Variants in MCTP2 observed in about 807,000 individuals in gnomAD.
MCTP2 encodes the protein multiple C2 and transmembrane domain-containing protein 2.
A neutral mutation model predicts 111.6 loss-of-function variants in MCTP2; 132 were observed. The ratio of observed to expected loss-of-function variants is 1.18; its 90% CI spans 1.03 to 1.37. MCTP2 has a LOEUF of 1.37. Among genes scored for constraint, MCTP2 ranks in the 40% most tolerant of loss-of-function variants. The pLI is 0.00. For synonymous variants in MCTP2, 395 were observed against 387.7 expected, an observed-to-expected ratio of 1.02 and a Z score of -0.22; for missense variants, 1,183 against 1,067.9, an observed-to-expected ratio of 1.11 and a Z score of -1.50.
At chr15:94,308,336 A>G (rs1008872389) in intron 2 of MCTP2, among the ~76,000 whole-genome samples, 4 of 152,164 alleles carry the variant, frequency 2.6e-5, no homozygotes, top group Non-Finnish European at 5.9e-5. Context: ...CTTCCTGGTC[A>G]GGCGAGGTGT....
chr15:94,344,712 T>G (rs1390054505), intron 7 of MCTP2, among the ~76,000 whole-genome samples: 1 of 152,222 alleles, frequency 6.6e-6, no homozygotes, highest in Non-Finnish European at 1.5e-5. Context: ...TTCTAGCATC[T>G]AAAACTATGG....
At chr15:94,463,624 A>G (rs1263035025) in intron 20 of MCTP2, among the ~76,000 whole-genome samples, 2 of 152,046 alleles carry the variant, frequency 1.3e-5, no homozygotes, top group Non-Finnish European at 2.9e-5. Context: ...TGTGGTTTAG[A>G]ATTGGTATTT....
chr15:94,335,136 CTTCT>C (rs574138035), intron 4 of MCTP2, among the ~76,000 whole-genome samples: 179 of 152,270 alleles, frequency 1.2e-3, no homozygotes, highest in African/African-American at 4.0e-3. Context: ...TACCCTCTTT[CTTCT>C]TTCTTCTAAA....
chr15:94,478,824 C>T (rs1334907006), intron 22 of MCTP2, 142 bp from the exon 23 acceptor site: 7 of 677,786 alleles, frequency 1.0e-5, no homozygotes, highest in Non-Finnish European at 1.6e-5. Flanking sequence ...TTAATCCCTC[C>T]ATGTTCCTGT....
At chr15:94,349,861 A>C (rs143175432) in intron 8 of MCTP2, among the ~76,000 whole-genome samples, 135 of 151,310 alleles carry the variant, frequency 8.9e-4, no homozygotes, top group African/African-American at 3.1e-3. Flanking sequence ...TCATCAGTTG[A>C]GAAAGAGGAT....
chr15:94,466,062 C>A (rs1237232958), intron 20 of MCTP2, among the ~76,000 whole-genome samples: 1 of 152,090 alleles, frequency 6.6e-6, no homozygotes, highest in East Asian at 1.9e-4. Flanking sequence ...GGGTTCTTAA[C>A]TTCAATTATT....
intron 4 of MCTP2, among the ~76,000 whole-genome samples, chr15:94,320,419 C>G (rs4354879): frequency 0.82 from 124,859 of 152,086 alleles, 51,477 homozygotes; most frequent in East Asian, 0.93. Flanking sequence ...GGGATTACAG[C>G]TGTGAGCCAC....
At chr15:94,232,326 T>A (rs1287071932) in intron 1 of MCTP2, among the ~76,000 whole-genome samples, 1 of 152,200 alleles carries the variant, frequency 6.6e-6, no homozygotes, top group Non-Finnish European at 1.5e-5. Flanking sequence ...CTAGTCTGAA[T>A]GAACTTCTGT....
intron 4 of MCTP2, among the ~76,000 whole-genome samples, chr15:94,338,612 G>A (rs991598321): frequency 2.0e-5 from 3 of 151,076 alleles, no homozygotes; most frequent in Non-Finnish European, 2.9e-5. Context: ...TTTGGCGTCT[G>A]TTTCAAAGCT....
chr15:94,385,703 G>C (rs959579762), intron 14 of MCTP2, among the ~76,000 whole-genome samples, 178 bp downstream of exon 14: 6 of 152,108 alleles, frequency 3.9e-5, no homozygotes, highest in Non-Finnish European at 8.8e-5. Flanking sequence ...CAGATATAAA[G>C]GGATGTAATT....
intron 1 of MCTP2, among the ~76,000 whole-genome samples, chr15:94,290,797 T>C (rs2074995773): frequency 6.6e-6 from 1 of 152,146 alleles, no homozygotes; most frequent in South Asian, 2.1e-4. Flanking sequence ...AGCTAGAAAA[T>C]CATCAGGGTT....
intron 17 of MCTP2, among the ~76,000 whole-genome samples, chr15:94,421,229 GCA>G (rs1306801592): frequency 1.3e-5 from 2 of 151,930 alleles, no homozygotes; most frequent in African/African-American, 4.8e-5. Context: ...CTAGACTGTA[GCA>G]CAGTGTAAAC....
chr15:94,447,686 TTTC>T (rs1196619817), intron 19 of MCTP2, among the ~76,000 whole-genome samples: 2 of 152,340 alleles, frequency 1.3e-5, no homozygotes, highest in Admixed American at 1.3e-4. Flanking sequence ...CTGTTTGCGC[TTTC>T]TTAAGAATGT....
intron 1 of MCTP2, among the ~76,000 whole-genome samples, chr15:94,251,610 C>T (rs547758894): frequency 2.6e-5 from 4 of 151,324 alleles, no homozygotes; most frequent in East Asian, 1.9e-4. Context: ...CCACCTGCCT[C>T]GGCCTCCCAA....
rs2078615281 is a variant in MCTP2 at position 94,356,208 on chromosome 15, T to C, written c.1077T>C (p.Ser359=). ...ACCAACTCTGGAACGGGATTATAAG[T>C]ATAACTTTGTTGGAAGGGAAGAATG... The part of the protein sequence containing the change: ...KKNQLWNGII[S]ITLLEGKNVS... The change falls in exon 9 of 23, where the codon AGT becomes AGC. Residue 359 remains serine (S), a synonymous_variant. Transcript: ENST00000357742. 3 of 1,613,584 alleles carry C rather than the reference T, an allele frequency of 1.9e-6. No individual in the cohort carries two copies. Among genetic ancestry groups the C allele is most frequent in the Non-Finnish European group, 2.5e-6 (3 of 1,179,718 alleles).
At chr15:94,305,637 C>G (rs1392042352) in intron 2 of MCTP2, among the ~76,000 whole-genome samples, 2 of 152,194 alleles carry the variant, frequency 1.3e-5, no homozygotes, top group Admixed American at 1.3e-4. Context: ...GGCCTTTCTG[C>G]AAACCTTGCT....
intron 20 of MCTP2, among the ~76,000 whole-genome samples, chr15:94,461,465 A>T: frequency 6.6e-6 from 1 of 152,174 alleles, no homozygotes; most frequent in Admixed American, 6.5e-5. Context: ...AGCTCAAAAA[A>T]GCAAACAAAA....
At chr15:94,443,344 C>T (rs1014090122) in intron 19 of MCTP2, among the ~76,000 whole-genome samples, 4 of 152,120 alleles carry the variant, frequency 2.6e-5, no homozygotes, top group South Asian at 2.1e-4. Context: ...CCCACTTCCG[C>T]GCCTGTCATT....
intron 8 of MCTP2, among the ~76,000 whole-genome samples, chr15:94,348,761 G>A (rs1487663888): frequency 1.3e-5 from 2 of 151,772 alleles, no homozygotes; most frequent in South Asian, 2.1e-4. Context: ...CTTAAAGGAA[G>A]TGTGTTGTAC....
Sources: gnomAD v4.1 joint callset for allele counts (sites outside exome capture counted in the v4.1 genomes callset) on GRCh38, gnomAD v4.1.1 for gene constraint, MANE v1.5 for transcripts, NCBI Gene and HGNC (gene_info 2026-07-23, HGNC 2026-07-21) for gene names.